FER: variants seen among roughly 807,000 people sequenced by gnomAD.
FER encodes FER tyrosine kinase.
FER carries 63 observed loss-of-function variants against 111.0 expected under a neutral mutation model. The ratio of observed to expected loss-of-function variants is 0.57; its 90% CI spans 0.46 to 0.70. The LOEUF (loss-of-function observed/expected upper bound fraction) is 0.70, where lower values mean the gene tolerates loss of function less well. Among genes scored for constraint, FER ranks in the 30% least tolerant of loss-of-function variants. The pLI is 0.00. For synonymous variants in FER, 327 were observed against 313.9 expected (o/e 1.04, Z -0.44); for missense variants, 914 against 954.0 (o/e 0.96, Z 0.55).
At chr5:108,810,374 G>T (rs1580667350) in intron 3 of FER, among the ~76,000 whole-genome samples, 1 of 152,212 alleles carries the variant, frequency 6.6e-6, no homozygotes, top group African/African-American at 2.4e-5. Context: ...GTGCACAGTG[G>T]TCTGATTTCC....
intron 14 of FER, among the ~76,000 whole-genome samples, chr5:109,038,439 A>G (rs538632049): frequency 5.3e-5 from 8 of 152,026 alleles, no homozygotes; most frequent in Admixed American, 2.6e-4. Context: ...TGAATTGACT[A>G]TTTTCCCCTA....
rs541989243 is a variant in FER, at chr5:109,192,928, A to T, written c.*5353A>T. 2 of 152,190 alleles carry T rather than the reference A, an allele frequency of 1.3e-5. No homozygotes were observed. The highest frequency in any genetic ancestry group is 1.3e-4 in the Admixed American group (2 of 15,272). The allele number at this position is 152,190 out of a possible 1,614,324, so 9.4% of individuals were successfully genotyped here. On this transcript the variant is annotated 3_prime_UTR_variant, in exon 20 of 20. Coordinates refer to ENST00000281092, the MANE Select transcript of FER (RefSeq NM_005246.4). ...TTAGTCAGGGTGCCTAAGGTAAGAC[A>T]CAAAAAGAAAGAGACATCCAGAAAG...
intron 9 of FER, among the ~76,000 whole-genome samples, chr5:108,895,058 A>T (rs978326906): frequency 1.3e-5 from 2 of 152,140 alleles, no homozygotes; most frequent in African/African-American, 4.8e-5. Flanking sequence ...TAAAAATTAT[A>T]CAAATGTTTT....
At chr5:109,013,865 C>A (rs1766661177) in intron 13 of FER, among the ~76,000 whole-genome samples, 1 of 151,566 alleles carries the variant, frequency 6.6e-6, no homozygotes, top group African/African-American at 2.4e-5. Context: ...TGTTTTTTGG[C>A]TGCATAAATG....
At chr5:108,812,232 A>G (rs1275505486) in intron 3 of FER, among the ~76,000 whole-genome samples, 2 of 152,186 alleles carry the variant, frequency 1.3e-5, no homozygotes, top group African/African-American at 2.4e-5. Context: ...TAGAAATGTT[A>G]TATCTTCTTG....
At chr5:109,035,482 A>G (rs1770252466) in intron 13 of FER, among the ~76,000 whole-genome samples, 1 of 152,146 alleles carries the variant, frequency 6.6e-6, no homozygotes, top group Non-Finnish European at 1.5e-5. Context: ...GTTCCTTTTT[A>G]TTGCCGAATA....
At chr5:109,057,426 GGTGA>G (rs1475456436) in intron 16 of FER, among the ~76,000 whole-genome samples, 2 of 152,108 alleles carry the variant, frequency 1.3e-5, no homozygotes, top group African/African-American at 2.4e-5. Flanking sequence ...TGAAGAGAGA[GGTGA>G]TATCACCACA....
Position 109,189,451 on chromosome 5 carries a change from A to G in FER, c.*1876A>G, listed in dbSNP as rs765711828. On this transcript the variant is annotated 3_prime_UTR_variant, in exon 20 of 20. Transcript: ENST00000281092. Reference sequence around the variant, plus strand: ...AGTACTTTAGAGTATGAAAGATAATACTGAAGAGAAAAGTGACTTGTATCT... The same window carrying G: ...AGTACTTTAGAGTATGAAAGATAATGCTGAAGAGAAAAGTGACTTGTATCT... The G allele has an allele frequency of 6.6e-6, 1 of 152,230 alleles. No individual in the cohort carries two copies. The highest frequency in any genetic ancestry group is 1.5e-5 in the Non-Finnish European group (1 of 68,036). The allele number at this position is 152,230 out of a possible 1,614,324, so 9.4% of individuals were successfully genotyped here.
intron 16 of FER, among the ~76,000 whole-genome samples, chr5:109,081,202 G>C (rs1279137950): frequency 6.6e-6 from 1 of 152,056 alleles, no homozygotes; most frequent in East Asian, 1.9e-4. Context: ...AAGACGATCT[G>C]CAAGTTTATG....
intron 3 of FER, among the ~76,000 whole-genome samples, chr5:108,810,952 C>G (rs1757694718): frequency 6.6e-6 from 1 of 152,008 alleles, no homozygotes; most frequent in Non-Finnish European, 1.5e-5. Flanking sequence ...TGGTGAGGAG[C>G]AGAGAGGGCC....
chr5:109,059,477 G>T (rs1227747877), intron 16 of FER, among the ~76,000 whole-genome samples: 4 of 152,134 alleles, frequency 2.6e-5, no homozygotes, highest in Admixed American at 2.6e-4. Context: ...GCAGTGAGCT[G>T]AGATCGTGCC....
At chr5:108,946,243 G>T in intron 11 of FER, 21 bp downstream of exon 11, 1 of 1,551,534 alleles carries the variant, frequency 6.4e-7, no homozygotes, top group African/African-American at 1.4e-5. Context: ...TTAACTCTCT[G>T]TGCTACTGAA....
At chr5:109,118,297 CTGGA>C (rs1750525012) in intron 17 of FER, among the ~76,000 whole-genome samples, 1 of 152,064 alleles carries the variant, frequency 6.6e-6, no homozygotes, top group African/African-American at 2.4e-5. Context: ...TGTTTATATG[CTGGA>C]TTATATTTAT....
chr5:109,181,600 A>C (rs1376919147), intron 18 of FER, among the ~76,000 whole-genome samples: 1 of 152,226 alleles, frequency 6.6e-6, no homozygotes, highest in Non-Finnish European at 1.5e-5. Flanking sequence ...TGGATTGGTG[A>C]ATGGGTATGG....
At chr5:108,879,492 A>G (rs903303538) in intron 8 of FER, among the ~76,000 whole-genome samples, 3 of 151,708 alleles carry the variant, frequency 2.0e-5, no homozygotes, top group Non-Finnish European at 4.4e-5. Flanking sequence ...TGTATACGAA[A>G]CATGTAATAA....
intron 17 of FER, among the ~76,000 whole-genome samples, chr5:109,163,975 T>A (rs1756272917): frequency 6.6e-6 from 1 of 152,218 alleles, no homozygotes; most frequent in Admixed American, 6.5e-5. Context: ...AGTGAATTCC[T>A]TATTGCATAG....
intron 8 of FER, among the ~76,000 whole-genome samples, chr5:108,875,331 A>G (rs1323236173): frequency 6.6e-6 from 1 of 152,044 alleles, no homozygotes; most frequent in African/African-American, 2.4e-5. Flanking sequence ...ATCTGAGGTT[A>G]CTTTCTTTGT....
chr5:108,862,722 AT>A (rs1161858882), intron 5 of FER, among the ~76,000 whole-genome samples: 1 of 152,042 alleles, frequency 6.6e-6, no homozygotes, highest in African/African-American at 2.4e-5. Context: ...AAGTGTCTTT[AT>A]TACTTGGAAT....
In FER at chr5:108,997,883, G is replaced by A. The variant is rs531817559; in HGVS notation, c.1656+38536G>A. ...GGCCACAGTGGCCTTGCTGAGCTGT[G>A]TGTGGTAGGCTCCTCCCAGTTCGAA... On this transcript the variant is annotated intron_variant, in intron 13 of 19. Transcript: ENST00000281092. Among the ~76,000 whole-genome samples, 19 of 152,262 alleles carry A rather than the reference G, an allele frequency of 1.2e-4. No homozygotes were observed. The East Asian group carries it at 2.9e-3, about 23-fold the overall frequency.
Sources: allele counts gnomAD v4.1 joint callset (sites outside exome capture counted in the v4.1 genomes callset), GRCh38; gene constraint gnomAD v4.1.1; transcripts MANE v1.5; gene names NCBI Gene and HGNC (gene_info 2026-07-23, HGNC 2026-07-21).